Variants in POU3F3 observed in about 807,000 individuals in gnomAD.
POU3F3 encodes POU domain, class 3, transcription factor 3.
In POU3F3, 1 loss-of-function variant was observed where a neutral mutation model predicts 8.6. The observed-to-expected ratio is 0.12, with a 90% CI of 0.04 to 0.55. The LOEUF is 0.55. POU3F3 is among the 20% of genes least tolerant of loss of function. The pLI is 0.91. For synonymous variants in POU3F3, 418 were observed against 327.4 expected, an observed-to-expected ratio of 1.28 and a Z score of -2.99; for missense variants, 577 against 690.7, an observed-to-expected ratio of 0.84 and a Z score of 1.84.
upstream of POU3F3, among the ~76,000 whole-genome samples, chr2:104,853,996 A>G (rs760592687): frequency 1.3e-5 from 2 of 152,188 alleles, no homozygotes; most frequent in Non-Finnish European, 2.9e-5. Context: ...GTCCTGAGCC[A>G]GTCATTCCGA....
At position 104,856,957 on chromosome 2, in the gene POU3F3, A is replaced by T; in HGVS notation, c.1447A>T (p.Thr483Ser). Residue 483 changes from threonine to serine, a missense_variant, in exon 1 of 1, where the codon ACC becomes TCC. By Grantham distance (58) the Thr-to-Ser change is moderately conservative. Transcript: ENST00000361360. Reference protein sequence around the residue: ...TPDDVYSQVGTVSADTPPPHH... With the variant: ...TPDDVYSQVGSVSADTPPPHH... Reference sequence around the variant, plus strand: ...CGACGACGTCTACTCGCAGGTGGGCACCGTGAGCGCCGACACGCCGCCGCC... The same window carrying T: ...CGACGACGTCTACTCGCAGGTGGGCTCCGTGAGCGCCGACACGCCGCCGCC... 6.2e-7 allele frequency: 1 copy of T among 1,612,214 alleles called. No individual in the cohort carries two copies. Among genetic ancestry groups the T allele is most frequent in the Non-Finnish European group, 8.5e-7 (1 of 1,179,642 alleles).
chr2:104,904,442 AC>A, the POU3F3 span, among the ~76,000 whole-genome samples: 3 of 152,206 alleles, frequency 2.0e-5, no homozygotes, highest in Admixed American at 6.5e-5. Flanking sequence ...TAAAAAATCA[AC>A]CAAAAAAATC....
chr2:104,902,655 C>T, the POU3F3 span, among the ~76,000 whole-genome samples: 1 of 152,158 alleles, frequency 6.6e-6, no homozygotes, highest in African/African-American at 2.4e-5. Context: ...ATCTCCCTCA[C>T]AGTCATTCAT....
the POU3F3 span, among the ~76,000 whole-genome samples, chr2:104,897,311 C>T: frequency 2.6e-5 from 4 of 152,276 alleles, no homozygotes; most frequent in South Asian, 2.1e-4. Context: ...AGAAGCTGCC[C>T]GGAGCTCCTC....
chr2:104,880,628 C>T, the POU3F3 span, among the ~76,000 whole-genome samples: 13 of 152,138 alleles, frequency 8.5e-5, no homozygotes, highest in African/African-American at 2.7e-4. Flanking sequence ...TTTGCCTTTC[C>T]GGGCCAATGG....
At chr2:104,893,352 C>T in the POU3F3 span, among the ~76,000 whole-genome samples, 3 of 152,164 alleles carry the variant, frequency 2.0e-5, no homozygotes, top group African/African-American at 7.2e-5. Flanking sequence ...AAGCCTGGGC[C>T]AGTGTCCTGA....
the POU3F3 span, among the ~76,000 whole-genome samples, chr2:104,906,282 C>A: frequency 4.6e-5 from 7 of 152,262 alleles, no homozygotes; most frequent in African/African-American, 1.7e-4. Context: ...GCATGTAATA[C>A]CCCAGCTTTT....
the POU3F3 span, chr2:104,926,110 T>G: frequency 6.6e-6 from 1 of 152,208 alleles, no homozygotes; most frequent in African/African-American, 2.4e-5. Flanking sequence ...AAATGGGATC[T>G]AATTAAACTA....
chr2:104,870,553 A>C, the POU3F3 span, among the ~76,000 whole-genome samples: 1 of 152,192 alleles, frequency 6.6e-6, no homozygotes, highest in Non-Finnish European at 1.5e-5. Flanking sequence ...CTTGAAGTTC[A>C]TTGTTCCAAA....
chr2:104,897,606 C>T, the POU3F3 span, among the ~76,000 whole-genome samples: 1 of 152,174 alleles, frequency 6.6e-6, no homozygotes, highest in East Asian at 1.9e-4. Context: ...ACCCCAGCCC[C>T]GCCCATGTGG....
chr2:104,921,109 G>C, the POU3F3 span, among the ~76,000 whole-genome samples: 2 of 152,176 alleles, frequency 1.3e-5, no homozygotes, highest in South Asian at 4.1e-4. Flanking sequence ...GGCTCAGCTT[G>C]AGAGGTCTAG....
chr2:104,855,921 G>T lies in POU3F3; in HGVS notation c.411G>T (p.Pro137=). The part of the protein sequence containing the change: ...VGMAGSPQQP[P]QPPPPPPQGP... Reference sequence around the variant, plus strand: ...TGGCTGGCAGCCCCCAGCAGCCACCGCAGCCGCCGCCGCCACCGCCGCAGG... The same window carrying T: ...TGGCTGGCAGCCCCCAGCAGCCACCTCAGCCGCCGCCGCCACCGCCGCAGG... Residue 137 remains proline, a synonymous_variant, in exon 1 of 1, where the codon CCG becomes CCT. Coordinates refer to ENST00000361360, the MANE Select transcript of POU3F3 (RefSeq NM_006236.3). 1 of 1,063,256 alleles carries T rather than the reference G, an allele frequency of 9.4e-7. No individual in the cohort carries two copies. Among genetic ancestry groups the T allele is most frequent in the Non-Finnish European group, 1.1e-6 (1 of 880,128 alleles). The allele number at this position is 1,063,256 out of a possible 1,614,324, so 65.9% of individuals were successfully genotyped here.
the POU3F3 span, among the ~76,000 whole-genome samples, chr2:104,914,202 A>G: frequency 6.6e-6 from 1 of 152,256 alleles, no homozygotes; most frequent in Non-Finnish European, 1.5e-5. Context: ...TCACGGCTCC[A>G]TCCCAATACA....
chr2:104,921,970 C>T, the POU3F3 span, among the ~76,000 whole-genome samples: 2 of 152,112 alleles, frequency 1.3e-5, no homozygotes, highest in Non-Finnish European at 2.9e-5. Context: ...GCACTCCAGC[C>T]TGGGCAAAAG....
chr2:104,921,060 C>T, the POU3F3 span, among the ~76,000 whole-genome samples: 1 of 152,104 alleles, frequency 6.6e-6, no homozygotes, highest in Non-Finnish European at 1.5e-5. Flanking sequence ...CACCTAGTTG[C>T]TAGGGAGGAT....
chr2:104,902,039 A>G, the POU3F3 span, among the ~76,000 whole-genome samples: 11 of 152,264 alleles, frequency 7.2e-5, no homozygotes, highest in Admixed American at 7.2e-4. Flanking sequence ...ATCAGGGGAA[A>G]TTTGGGGAGT....
At chr2:104,874,415 A>T in the POU3F3 span, among the ~76,000 whole-genome samples, 3 of 152,166 alleles carry the variant, frequency 2.0e-5, no homozygotes, top group East Asian at 5.8e-4. Context: ...AATCGGGAAC[A>T]TGCACTCCTG....
In POU3F3 at chr2:104,855,609, G is replaced by C. The variant is rs1372795342; in HGVS notation, c.99G>C (p.Gly33=). 2.1e-6 allele frequency: 2 copies of C among 966,702 alleles called. No individual in the cohort carries two copies. Among genetic ancestry groups the C allele is most frequent in the Non-Finnish European group, 2.4e-6 (2 of 821,172 alleles). 59.9% of individuals were successfully genotyped at this position (966,702 alleles called of 1,614,324 possible). ...HSDAAGAGGG[G]GGGGGGGGGG... is the part of the protein sequence containing the mutation. ...ACGCGGCAGGGGCTGGCGGCGGCGGGGGTGGCGGCGGCGGCGGCGGCGGGG... is the reference window on the plus strand; with the variant it reads ...ACGCGGCAGGGGCTGGCGGCGGCGGCGGTGGCGGCGGCGGCGGCGGCGGGG... Residue 33 remains glycine, a synonymous_variant, in exon 1 of 1, where the codon GGG becomes GGC. Coordinates refer to ENST00000361360, the MANE Select transcript of POU3F3 (RefSeq NM_006236.3).
chr2:104,872,440 T>C, the POU3F3 span: 1 of 425,040 alleles, frequency 2.4e-6, no homozygotes, highest in African/African-American at 2.0e-5. This position sits in a 1 kb window ranked among gnomAD's most constrained non-coding sequence, Gnocchi z 4.6. Context: ...CCAACTGCGA[T>C]TTCAGCTTTC....
Sources: gnomAD v4.1 joint callset for allele counts (sites outside exome capture counted in the v4.1 genomes callset) on GRCh38, gnomAD v4.1.1 for gene constraint, Gnocchi (gnomAD v3.1) non-coding constraint, MANE v1.5 for transcripts, NCBI Gene and HGNC (gene_info 2026-07-23, HGNC 2026-07-21) for gene names.